Variants in SERGEF observed in about 807,000 individuals in gnomAD.
The protein encoded by SERGEF is secretion-regulating guanine nucleotide exchange factor.
In SERGEF, 51 loss-of-function variants were observed where a neutral mutation model predicts 50.0. The observed-to-expected ratio is 1.02, with a 90% CI of 0.81 to 1.29. SERGEF has a LOEUF of 1.29. Among genes scored for constraint, SERGEF ranks in the 50% most tolerant of loss-of-function variants. The pLI, the probability that SERGEF is intolerant of heterozygous loss-of-function variation, is 0.00. For missense variants in SERGEF, 521 were observed against 557.0 expected (o/e 0.94, Z 0.65); for synonymous variants, 205 against 212.4 (o/e 0.97, Z 0.30).
At chr11:17,983,060 A>G (rs1853523214) in intron 8 of SERGEF, among the ~76,000 whole-genome samples, 1 of 152,214 alleles carries the variant, frequency 6.6e-6, no homozygotes, top group Non-Finnish European at 1.5e-5. Context: ...TTAAGGTAAC[A>G]CTGAAGAAAG....
chr11:17,808,500 T>C (rs1849805963), intron 10 of SERGEF, among the ~76,000 whole-genome samples: 1 of 152,112 alleles, frequency 6.6e-6, no homozygotes, highest in Non-Finnish European at 1.5e-5. Context: ...AAGGAGATGA[T>C]ACAAAACCAC....
chr11:17,942,653 T>C (rs1008484539), intron 9 of SERGEF, among the ~76,000 whole-genome samples: 1 of 152,142 alleles, frequency 6.6e-6, no homozygotes, highest in African/African-American at 2.4e-5. Context: ...TAATAGTGAA[T>C]AAAAATGGTG....
chr11:17,815,909 A>G (rs1008155699), intron 10 of SERGEF, among the ~76,000 whole-genome samples: 6 of 152,148 alleles, frequency 3.9e-5, no homozygotes, highest in South Asian at 4.1e-4. Context: ...CGACAGTGAG[A>G]CTCCATCTCA....
chr11:17,972,601 A>G (rs1018592784), intron 8 of SERGEF, among the ~76,000 whole-genome samples: 6 of 152,256 alleles, frequency 3.9e-5, no homozygotes, highest in African/African-American at 1.2e-4. Flanking sequence ...CACAACTTTT[A>G]TATACACTGG....
At chr11:17,973,809 A>T (rs1273477351) in intron 8 of SERGEF, among the ~76,000 whole-genome samples, 1 of 152,234 alleles carries the variant, frequency 6.6e-6, no homozygotes, top group African/African-American at 2.4e-5. Context: ...GGTCAGGAAG[A>T]TGCCAATGGA....
At chr11:17,981,636 G>C (rs897918133) in intron 8 of SERGEF, among the ~76,000 whole-genome samples, 3 of 152,204 alleles carry the variant, frequency 2.0e-5, no homozygotes, top group African/African-American at 7.2e-5. Flanking sequence ...TGAGAGTTAT[G>C]ATTGCTGTTG....
chr11:17,927,290 T>C (rs1293194870), intron 9 of SERGEF, among the ~76,000 whole-genome samples: 10 of 152,174 alleles, frequency 6.6e-5, no homozygotes, highest in African/African-American at 1.4e-4. Context: ...CAAGCACTAC[T>C]GAACACAAAG....
chr11:17,926,601 A>G (rs929897148), intron 9 of SERGEF: 1 of 375,638 alleles, frequency 2.7e-6, no homozygotes, highest in African/African-American at 2.1e-5. Context: ...CTTGGTTTCC[A>G]TCACTGGGTA....
chr11:17,986,235 A>G (rs1282672550), intron 8 of SERGEF, among the ~76,000 whole-genome samples: 2 of 152,176 alleles, frequency 1.3e-5, no homozygotes, highest in African/African-American at 2.4e-5. Flanking sequence ...CTTCTCAACG[A>G]CACTGGGCCA....
At chr11:17,964,136 G>A (rs995191521) in intron 8 of SERGEF, among the ~76,000 whole-genome samples, 44 of 152,152 alleles carry the variant, frequency 2.9e-4, no homozygotes, top group African/African-American at 9.4e-4. Context: ...CAAGGGTCCC[G>A]CTAATGGGAA....
At chr11:17,869,148 A>G (rs996617907) in intron 10 of SERGEF, among the ~76,000 whole-genome samples, 6 of 152,206 alleles carry the variant, frequency 3.9e-5, no homozygotes, top group African/African-American at 1.4e-4. Context: ...AAGAAAGACC[A>G]TTATACTCTG....
chr11:17,962,559 G>C (rs1315818780), intron 8 of SERGEF, among the ~76,000 whole-genome samples: 2 of 152,264 alleles, frequency 1.3e-5, no homozygotes, highest in East Asian at 3.9e-4. Context: ...CCAGGTAAAT[G>C]ATAAATGACA....
At chr11:17,964,180 A>C (rs1277886955) in intron 8 of SERGEF, among the ~76,000 whole-genome samples, 1 of 152,094 alleles carries the variant, frequency 6.6e-6, no homozygotes, top group Non-Finnish European at 1.5e-5. Flanking sequence ...AAATTATTTA[A>C]CTCTCCTGGG....
intron 4 of SERGEF, among the ~76,000 whole-genome samples, chr11:18,003,657 C>T (rs549637755): frequency 4.2e-4 from 64 of 152,256 alleles, no homozygotes; most frequent in Non-Finnish European, 7.6e-4. Context: ...GAGCCGGGAT[C>T]GCGCCACTGC....
At position 17,872,677 on chromosome 11, in the gene SERGEF, A is replaced by G. The variant is rs144398610; in HGVS notation, c.1048+5531T>C. Among the ~76,000 whole-genome samples the G allele has an allele frequency of 3.0e-3, 464 of 152,360 alleles. 1 individual carries two copies. Among genetic ancestry groups the G allele is most frequent in the African/African-American group, 0.01 (429 of 41,590 alleles). On this transcript the variant is annotated intron_variant, in intron 10 of 10. Transcript: ENST00000265965. ...ACTCTCCTCACATGAAATAACATACATAGAAGGTCATTCACTATAGCGTTG... is the reference window on the plus strand; with the variant it reads ...ACTCTCCTCACATGAAATAACATACGTAGAAGGTCATTCACTATAGCGTTG...
chr11:17,812,244 A>G (rs1849889049), intron 10 of SERGEF, among the ~76,000 whole-genome samples: 1 of 152,244 alleles, frequency 6.6e-6, no homozygotes, highest in South Asian at 2.1e-4. Context: ...CACACATGCA[A>G]AGCAACAGCT....
chr11:17,988,795 A>G, intron 7 of SERGEF, 40 bp from the exon 8 acceptor site: 3 of 1,585,166 alleles, frequency 1.9e-6, no homozygotes, highest in Non-Finnish European at 2.6e-6. Context: ...GTGAGGGAAC[A>G]TTAGTCCAAA....
chr11:17,912,100 C>G lies in SERGEF; in HGVS notation c.1012-33856G>C, dbSNP rs1851966112. On this transcript the variant is annotated intron_variant, in intron 9 of 10. Transcript: ENST00000265965. ...CCCTATCCAAGAGGGAGAAACAAAA[C>G]AAAACAAACAGAGAGAAGAGCAGGG... Among the ~76,000 whole-genome samples the G allele has an allele frequency of 2.0e-5, 3 of 152,026 alleles. No homozygotes were observed. In the South Asian group the frequency reaches 6.3e-4, roughly 32 times the overall value.
At chr11:17,842,786 G>T (rs1247417585) in intron 10 of SERGEF, among the ~76,000 whole-genome samples, 2 of 152,164 alleles carry the variant, frequency 1.3e-5, no homozygotes, top group South Asian at 2.1e-4. Flanking sequence ...TTACCATTTT[G>T]CCCAGAAGAG....
Sources: allele counts gnomAD v4.1 joint callset (sites outside exome capture counted in the v4.1 genomes callset), GRCh38; gene constraint gnomAD v4.1.1; transcripts MANE v1.5; gene names NCBI Gene and HGNC (gene_info 2026-07-23, HGNC 2026-07-21).